SCMH1: variants seen among roughly 807,000 people sequenced by gnomAD.
SCMH1 encodes the protein polycomb protein SCMH1.
Under a neutral mutation model 70.8 loss-of-function variants are expected in SCMH1, and 37 were observed. The observed-to-expected ratio is 0.52, with a 90% CI of 0.40 to 0.69. SCMH1 has a LOEUF of 0.69. Ranked by LOEUF, SCMH1 falls within the 30% of genes least tolerant of loss-of-function variation. SCMH1 has a pLI of 0.00. For missense variants in SCMH1, 607 were observed against 827.3 expected (o/e 0.73, Z 3.27); for synonymous variants, 292 against 307.4 (o/e 0.95, Z 0.52).
At chr1:41,216,414 T>A (rs763008355) in intron 1 of SCMH1, among the ~76,000 whole-genome samples, 3 of 152,200 alleles carry the variant, frequency 2.0e-5, no homozygotes, top group Non-Finnish European at 4.4e-5. Context: ...GTCAGCTGCC[T>A]ATCTAACTGA....
At chr1:41,060,747 T>C (rs1652335150) in intron 10 of SCMH1, among the ~76,000 whole-genome samples, 1 of 152,164 alleles carries the variant, frequency 6.6e-6, no homozygotes, top group Non-Finnish European at 1.5e-5. Context: ...CAGGCTCAAG[T>C]GATCCTCCTG....
intron 2 of SCMH1, among the ~76,000 whole-genome samples, chr1:41,185,704 C>T (rs1235984269): frequency 2.1e-5 from 3 of 145,236 alleles, no homozygotes; most frequent in African/African-American, 5.1e-5. Context: ...GGTGAGATCT[C>T]GGCTTACAGC....
At chr1:41,167,645 T>C (rs1646495241) in intron 2 of SCMH1, among the ~76,000 whole-genome samples, 1 of 152,182 alleles carries the variant, frequency 6.6e-6, no homozygotes, top group Non-Finnish European at 1.5e-5. Flanking sequence ...GTTGTCCAAT[T>C]TGTTGGCTTA....
chr1:41,073,375 A>G (rs967633315), intron 9 of SCMH1, among the ~76,000 whole-genome samples: 2 of 152,144 alleles, frequency 1.3e-5, no homozygotes, highest in African/African-American at 4.8e-5. Context: ...GACTGTCCTC[A>G]AGATGTCTTC....
intron 1 of SCMH1, among the ~76,000 whole-genome samples, chr1:41,187,347 G>A (rs549992380): frequency 1.3e-5 from 2 of 150,910 alleles, no homozygotes; most frequent in South Asian, 2.1e-4. Context: ...TTGTAATCCC[G>A]GCTACTCGAG....
intron 8 of SCMH1, among the ~76,000 whole-genome samples, chr1:41,106,328 G>A (rs972428421): frequency 2.6e-5 from 4 of 151,186 alleles, no homozygotes; most frequent in African/African-American, 9.9e-5. Context: ...TAGTGAGTGA[G>A]TTCTGGTTGT....
chr1:41,223,601 C>T (rs1260521454), intron 1 of SCMH1, among the ~76,000 whole-genome samples: 10 of 151,454 alleles, frequency 6.6e-5, no homozygotes, highest in South Asian at 2.1e-4. Flanking sequence ...TTCAATGTAT[C>T]GTAAAAATAC....
intron 1 of SCMH1, among the ~76,000 whole-genome samples, chr1:41,193,842 A>G (rs990055681): frequency 6.6e-6 from 1 of 152,198 alleles, no homozygotes; most frequent in Non-Finnish European, 1.5e-5. Context: ...TCCCAAGATT[A>G]TATGTTAGCT....
intron 13 of SCMH1, among the ~76,000 whole-genome samples, chr1:41,033,627 T>C (rs1043893008): frequency 6.6e-6 from 1 of 152,194 alleles, no homozygotes; most frequent in Non-Finnish European, 1.5e-5. Flanking sequence ...AGTCTGAGCA[T>C]GACTAAGGCA....
chr1:41,040,191 A>G (rs1571313298), intron 12 of SCMH1, among the ~76,000 whole-genome samples: 1 of 152,186 alleles, frequency 6.6e-6, no homozygotes. Context: ...TCAAACAAAC[A>G]TTTGTTGAGC....
chr1:41,127,210 A>C (rs1473465859), intron 6 of SCMH1, among the ~76,000 whole-genome samples: 2 of 152,124 alleles, frequency 1.3e-5, no homozygotes, highest in Non-Finnish European at 2.9e-5. Flanking sequence ...AGTCTTAAAA[A>C]ATTTTTCTAT....
At chr1:41,233,987 T>C (rs1661807910) in intron 1 of SCMH1, among the ~76,000 whole-genome samples, 1 of 152,232 alleles carries the variant, frequency 6.6e-6, no homozygotes, top group South Asian at 2.1e-4. Context: ...GTTGTTATTG[T>C]TCCTTAGTCT....
chr1:41,180,440 G>C (rs1010855135), intron 2 of SCMH1, among the ~76,000 whole-genome samples: 5 of 152,146 alleles, frequency 3.3e-5, no homozygotes, highest in Non-Finnish European at 7.4e-5. Context: ...TGTTTGCAGA[G>C]GACATGATTG....
At chr1:41,085,095 G>A (rs1661225699) in intron 8 of SCMH1, among the ~76,000 whole-genome samples, 1 of 151,254 alleles carries the variant, frequency 6.6e-6, no homozygotes, top group African/African-American at 2.4e-5. Context: ...CCTGCACATT[G>A]TGCACATGTA....
intron 6 of SCMH1, among the ~76,000 whole-genome samples, chr1:41,121,576 C>A (rs1315707177): frequency 6.6e-6 from 1 of 152,150 alleles, no homozygotes; most frequent in African/African-American, 2.4e-5. Context: ...AAATGTAGAG[C>A]ACCTCAGTGC....
intron 2 of SCMH1, among the ~76,000 whole-genome samples, chr1:41,162,179 T>C (rs1646089822): frequency 6.6e-6 from 1 of 152,104 alleles, no homozygotes; most frequent in Non-Finnish European, 1.5e-5. Flanking sequence ...CCCTGCACTC[T>C]TGGGGGTCCA....
At chr1:41,147,119 C>T (rs981140903) in intron 5 of SCMH1, among the ~76,000 whole-genome samples, 1 of 152,248 alleles carries the variant, frequency 6.6e-6, no homozygotes, top group Non-Finnish European at 1.5e-5. Context: ...AGTGATAGCT[C>T]ACTAATCACT....
upstream of SCMH1, chr1:41,242,257 C>T (rs1387880528): frequency 6.9e-6 from 1 of 144,528 alleles, no homozygotes; most frequent in African/African-American, 2.5e-5. The surrounding 1 kb of genome is among the most constrained non-coding windows in gnomAD (Gnocchi z 5.2). Flanking sequence ...GGCCCCTCCC[C>T]CGCGCCTCCC....
At chr1:41,028,145 GA>G (rs1317088708) in exon 15 of SCMH1, 1 of 1,610,980 alleles carries the variant, frequency 6.2e-7, no homozygotes, top group African/African-American at 1.3e-5. Context: ...ATTCCTAGAA[GA>G]ATGCCCCCAC....
Sources: allele counts gnomAD v4.1 joint callset (sites outside exome capture counted in the v4.1 genomes callset), GRCh38; gene constraint gnomAD v4.1.1; non-coding constraint Gnocchi (gnomAD v3.1); transcripts MANE v1.5; gene names NCBI Gene and HGNC (gene_info 2026-07-23, HGNC 2026-07-21).